The following PYY variants were observed in gnomAD, a reference collection of about 807,000 sequenced individuals.
PYY encodes peptide tyrosine tyrosine.
Under a neutral mutation model 10.3 loss-of-function variants are expected in PYY, and 12 were observed. The observed-to-expected ratio is 1.17, with a 90% CI of 0.75 to 1.89. The LOEUF is 1.89. PYY is among the 40% of genes most tolerant of loss of function. The pLI is 0.00. For missense variants in PYY, 141 were observed against 134.0 expected (o/e 1.05, Z -0.26); for synonymous variants, 66 against 62.0 (o/e 1.06, Z -0.30).
chr17:43,998,504 G>A (rs2049005453), intron 1 of PYY, among the ~76,000 whole-genome samples: 1 of 152,118 alleles, frequency 6.6e-6, no homozygotes, highest in African/African-American at 2.4e-5. Flanking sequence ...GTTGCAGTGA[G>A]CTGAGATCAA....
intron 1 of PYY, among the ~76,000 whole-genome samples, chr17:43,990,438 C>CAAA (rs59522069): frequency 1.2e-4 from 11 of 92,806 alleles, no homozygotes; most frequent in Non-Finnish European, 1.4e-4. Flanking sequence ...GACTCCATCT[C>CAAA]AAAAAAAAAA....
chr17:43,999,593 C>G (rs1363952800), intron 1 of PYY, among the ~76,000 whole-genome samples: 1 of 151,712 alleles, frequency 6.6e-6, no homozygotes, highest in Admixed American at 6.6e-5. Flanking sequence ...ATGGTGAAAC[C>G]CTGTTTCTAC....
intron 1 of PYY, among the ~76,000 whole-genome samples, chr17:43,999,208 G>A (rs1368778840): frequency 6.6e-6 from 1 of 152,022 alleles, no homozygotes; most frequent in Non-Finnish European, 1.5e-5. Context: ...GAGGAGGGCT[G>A]AGAATTGACC....
At chr17:43,972,191 T>TTTTATTTTATTTA (rs1555617854) in intron 1 of PYY, among the ~76,000 whole-genome samples, 47 of 138,228 alleles carry the variant, frequency 3.4e-4, no homozygotes, top group East Asian at 1.2e-3. Flanking sequence ...TTTTATTTTA[T>TTTTATTTTATTTA]TTTATTTATT....
At chr17:43,978,430 A>G (rs955576956) in intron 1 of PYY, among the ~76,000 whole-genome samples, 14 of 151,882 alleles carry the variant, frequency 9.2e-5, no homozygotes, top group Admixed American at 2.0e-4. Context: ...CTAAGACAGG[A>G]GGATCGTTTG....
At chr17:43,999,235 C>T (rs2049009707) in intron 1 of PYY, among the ~76,000 whole-genome samples, 1 of 151,910 alleles carries the variant, frequency 6.6e-6, no homozygotes, top group Non-Finnish European at 1.5e-5. Context: ...TTTAGCAATG[C>T]AGTGGTCACT....
At chr17:43,966,259 CACAG>C (rs1414254366) in intron 2 of PYY, 1 of 153,214 alleles carries the variant, frequency 6.5e-6, no homozygotes, top group Non-Finnish European at 1.5e-5. Context: ...ATGAAACTGA[CACAG>C]AGAGAGGTCA....
At position 43,953,169 on chromosome 17, in the gene PYY, G is replaced by C. The variant is rs770520813; in HGVS notation, c.209C>G (p.Pro70Arg). 3.9e-5 allele frequency: 63 copies of C among 1,613,912 alleles called. No individual in the cohort carries two copies. Among genetic ancestry groups the C allele is most frequent in the Middle Eastern group, 3.3e-4 (2 of 6,058 alleles). ...TRQRYGKRDG[P>R]DTLLSKTFFP... ...GAACGTTTTGGAAAGAAGCGTGTCC[G>C]GGCCGTCTCTTTTCCCATACCTGGG... The change falls in exon 3 of 4, where the codon CCG becomes CGG. Residue 70 changes from proline to arginine, a missense_variant. By Grantham distance (103) the Pro-to-Arg change is moderately radical. Transcript: ENST00000692052.
At chr17:43,989,181 T>C (rs552315093) in intron 1 of PYY, among the ~76,000 whole-genome samples, 20 of 152,014 alleles carry the variant, frequency 1.3e-4, no homozygotes, top group African/African-American at 2.9e-4. Flanking sequence ...AAGACCATCC[T>C]GGCTAACACG....
intron 1 of PYY, among the ~76,000 whole-genome samples, chr17:43,974,008 C>T (rs938004328): frequency 2.0e-5 from 3 of 151,998 alleles, no homozygotes; most frequent in Non-Finnish European, 4.4e-5. Context: ...ACTCTGGAGC[C>T]GACCCAGGCT....
chr17:43,976,696 C>T (rs951634577), intron 1 of PYY, among the ~76,000 whole-genome samples: 9 of 152,212 alleles, frequency 5.9e-5, no homozygotes, highest in East Asian at 1.9e-4. Flanking sequence ...CACTTGAACC[C>T]GGGAGGTCAA....
intron 2 of PYY, among the ~76,000 whole-genome samples, chr17:43,965,375 G>T (rs1008330866): frequency 1.3e-5 from 2 of 151,658 alleles, no homozygotes; most frequent in African/African-American, 4.9e-5. Flanking sequence ...CAGCTACTCA[G>T]GAGGCGGAGA....
intron 1 of PYY, among the ~76,000 whole-genome samples, chr17:44,003,322 G>C (rs2049043152): frequency 6.6e-6 from 1 of 152,136 alleles, no homozygotes; most frequent in Non-Finnish European, 1.5e-5. Context: ...AGTGATACTG[G>C]CCTAGTTACA....
intron 2 of PYY, among the ~76,000 whole-genome samples, chr17:43,964,582 C>T (rs942789141): frequency 1.1e-4 from 17 of 152,182 alleles, no homozygotes; most frequent in African/African-American, 4.1e-4. Context: ...GAAACCCCGT[C>T]TCTACTAAAA....
chr17:43,956,687 C>T (rs2048674685), upstream of PYY, among the ~76,000 whole-genome samples: 1 of 152,140 alleles, frequency 6.6e-6, no homozygotes, highest in Non-Finnish European at 1.5e-5. Flanking sequence ...TTCTCCTTGT[C>T]CAGTGGGCTC....
At chr17:43,976,289 GTATA>G (rs2048843040) in intron 1 of PYY, among the ~76,000 whole-genome samples, 1 of 25,018 alleles carries the variant, frequency 4.0e-5, no homozygotes, top group African/African-American at 2.3e-4. Flanking sequence ...ATACGCATAT[GTATA>G]CATGTATACA....
intron 1 of PYY, among the ~76,000 whole-genome samples, chr17:43,999,361 A>G (rs2049010814): frequency 6.6e-6 from 1 of 152,090 alleles, no homozygotes; most frequent in Non-Finnish European, 1.5e-5. Context: ...TTTTCCAGGA[A>G]TTTTGAAGGT....
intron 1 of PYY, among the ~76,000 whole-genome samples, chr17:43,980,820 T>C (rs1249705652): frequency 6.6e-6 from 1 of 152,202 alleles, no homozygotes; most frequent in East Asian, 1.9e-4. Context: ...ATTATGTTTG[T>C]GAAATAAATT....
intron 1 of PYY, among the ~76,000 whole-genome samples, chr17:43,977,196 G>A (rs1252029360): frequency 2.6e-5 from 4 of 152,182 alleles, no homozygotes; most frequent in African/African-American, 4.8e-5. Context: ...GAGGGGGAGA[G>A]GGAGGCAGGG....
Sources: allele counts gnomAD v4.1 joint callset (sites outside exome capture counted in the v4.1 genomes callset), GRCh38; gene constraint gnomAD v4.1.1; transcripts MANE v1.5; gene names NCBI Gene and HGNC (gene_info 2026-07-23, HGNC 2026-07-21).